SHISA6: variants seen among roughly 807,000 people sequenced by gnomAD.
SHISA6 encodes shisa family member 6.
Under a neutral mutation model 47.9 loss-of-function variants are expected in SHISA6, and 22 were observed. That is an observed-to-expected ratio of 0.46 (90% CI 0.33 to 0.66). The LOEUF (loss-of-function observed/expected upper bound fraction) is 0.66, where lower values mean the gene tolerates loss of function less well. SHISA6 is among the 30% of genes least tolerant of loss of function. The pLI is 0.02. For missense variants in SHISA6, 680 were observed against 764.6 expected, an observed-to-expected ratio of 0.89 and a Z score of 1.30; for synonymous variants, 388 against 337.8, an observed-to-expected ratio of 1.15 and a Z score of -1.63.
intron 1 of SHISA6, among the ~76,000 whole-genome samples, chr17:11,253,329 TTGTC>T (rs938477066): frequency 3.3e-5 from 5 of 152,118 alleles, no homozygotes; most frequent in African/African-American, 7.2e-5. Flanking sequence ...TTTTTTTTCT[TTGTC>T]TGATAAAAAT....
At chr17:11,331,929 G>A (rs1911131297) in intron 2 of SHISA6, among the ~76,000 whole-genome samples, 1 of 152,054 alleles carries the variant, frequency 6.6e-6, no homozygotes. Flanking sequence ...CTGTGGCTCT[G>A]TGTACCTTCC....
intron 3 of SHISA6, among the ~76,000 whole-genome samples, chr17:11,532,030 T>C: frequency 6.6e-6 from 1 of 152,064 alleles, no homozygotes; most frequent in East Asian, 1.9e-4. Flanking sequence ...AGAGGAAATA[T>C]GAAAAACTAG....
intron 2 of SHISA6, among the ~76,000 whole-genome samples, chr17:11,304,651 A>G (rs1448931171): frequency 6.6e-6 from 1 of 152,172 alleles, no homozygotes; most frequent in Non-Finnish European, 1.5e-5. Flanking sequence ...CTTTAGGGCT[A>G]TGCTTCAGTG....
chr17:11,401,809 C>G (rs962171014), intron 3 of SHISA6, among the ~76,000 whole-genome samples: 1 of 152,200 alleles, frequency 6.6e-6, no homozygotes, highest in South Asian at 2.1e-4. Flanking sequence ...TGCAACCTCC[C>G]TTGTTGACAC....
intron 3 of SHISA6, among the ~76,000 whole-genome samples, chr17:11,405,292 A>G (rs1034902): frequency 0.49 from 74,060 of 151,916 alleles, 18,593 homozygotes; most frequent in Middle Eastern, 0.55. Context: ...CCTGAGATGT[A>G]GCATTTCTAA....
At chr17:11,544,961 C>CAAA (rs374571214) in intron 3 of SHISA6, among the ~76,000 whole-genome samples, 1,967 of 62,572 alleles carry the variant, frequency 0.031, 58 homozygotes, top group African/African-American at 0.11. Flanking sequence ...ACTCTCTCTC[C>CAAA]AAAAAAAAAA....
At chr17:11,291,635 AAACAACAAC>A (rs796809748) in intron 2 of SHISA6, among the ~76,000 whole-genome samples, 5 of 151,748 alleles carry the variant, frequency 3.3e-5, no homozygotes, top group Admixed American at 6.6e-5. Context: ...CTCTGTCTCA[AAACAACAAC>A]AACAACAACA....
At chr17:11,534,433 G>A (rs937511371) in intron 3 of SHISA6, among the ~76,000 whole-genome samples, 1 of 152,066 alleles carries the variant, frequency 6.6e-6, no homozygotes, top group Non-Finnish European at 1.5e-5. Context: ...TCCACTCAAT[G>A]GATGCATGTT....
intron 2 of SHISA6, among the ~76,000 whole-genome samples, chr17:11,277,274 TCTCTCTCA>T (rs1424009948): frequency 2.0e-4 from 13 of 64,686 alleles, no homozygotes; most frequent in African/African-American, 3.6e-4. Flanking sequence ...TCTCTCTCTC[TCTCTCTCA>T]CACACACACA....
chr17:11,493,275 T>A (rs1297596134), intron 3 of SHISA6, among the ~76,000 whole-genome samples: 1 of 152,250 alleles, frequency 6.6e-6, no homozygotes, highest in East Asian at 1.9e-4. Flanking sequence ...TCACCCAGGC[T>A]GGAGTGCAGT....
chr17:11,407,030 A>C (rs1206176814), intron 3 of SHISA6, among the ~76,000 whole-genome samples: 1 of 152,230 alleles, frequency 6.6e-6, no homozygotes, highest in Admixed American at 6.5e-5. Context: ...TAGCATTAGC[A>C]TGAGGAATTT....
chr17:11,329,578 G>A (rs995484592), intron 2 of SHISA6, among the ~76,000 whole-genome samples: 11 of 152,112 alleles, frequency 7.2e-5, no homozygotes, highest in African/African-American at 2.7e-4. Context: ...ATGCATCTTG[G>A]TGGGCAGAGT....
intron 2 of SHISA6, among the ~76,000 whole-genome samples, chr17:11,276,597 TCACCAC>T (rs757899584): frequency 6.6e-6 from 1 of 151,934 alleles, no homozygotes; most frequent in Non-Finnish European, 1.5e-5. Flanking sequence ...ATCATCGTTG[TCACCAC>T]CACCACCACC....
At chr17:11,491,826 C>T (rs1974701) in intron 3 of SHISA6, among the ~76,000 whole-genome samples, 58,661 of 144,280 alleles carry the variant, frequency 0.41, 12,495 homozygotes, top group East Asian at 0.55. Flanking sequence ...GGCTGGAGTG[C>T]AATGGTGCGA....
rs1264292787 is a variant in SHISA6, at chr17:11,557,813, C to T, written c.1165C>T (p.Arg389Cys). The stretch of plus-strand genomic sequence containing the variant: ...GCGGCACCTGCCCGACCTGGCTGCC[C>T]GCGGCACCCTCCCCCTCAATGTCAT... ...RRRHLPDLAA[R>C]GTLPLNVIQM... Residue 389 changes from arginine (R) to cysteine (C), a missense_variant, in exon 6 of 6, where the codon CGC becomes TGC. Physicochemically the swap from Arg to Cys is radical, Grantham distance 180. Transcript: ENST00000441885. 1.9e-6 allele frequency: 3 copies of T among 1,551,224 alleles called. No individual in the cohort carries two copies. Among genetic ancestry groups the T allele is most frequent in the African/African-American group, 1.4e-5 (1 of 73,048 alleles).
intron 2 of SHISA6, chr17:11,289,370 T>G (rs762182061): frequency 6.6e-6 from 1 of 151,994 alleles, no homozygotes; most frequent in Non-Finnish European, 1.5e-5. Context: ...TAAACTGTCC[T>G]CTATCATGAT....
intron 3 of SHISA6, among the ~76,000 whole-genome samples, chr17:11,529,714 G>A (rs2071716330): frequency 6.6e-6 from 1 of 152,122 alleles, no homozygotes; most frequent in African/African-American, 2.4e-5. Flanking sequence ...AGATTTGTGA[G>A]TCAAAAAATT....
rs142130128 is a variant in SHISA6 at position 11,400,078 on chromosome 17, A to G, written c.895+20569A>G. On this transcript the variant is annotated intron_variant, in intron 3 of 5. Transcript: ENST00000441885. ...CAGAGTTTCCTTCCATCACTCCACAAATATGCACATTTTCCAAGCTCTTGT... is the reference window on the plus strand; with the variant it reads ...CAGAGTTTCCTTCCATCACTCCACAGATATGCACATTTTCCAAGCTCTTGT... 2.4e-3 allele frequency among the ~76,000 whole-genome samples: 362 copies of G among 152,218 alleles called. 4 individuals are homozygous for G. Among genetic ancestry groups the G allele is most frequent in the African/African-American group, 8.1e-3 (338 of 41,528 alleles).
intron 2 of SHISA6, among the ~76,000 whole-genome samples, chr17:11,359,413 G>A (rs1171137497): frequency 2.0e-5 from 3 of 152,080 alleles, no homozygotes; most frequent in African/African-American, 7.2e-5. Context: ...TACATCTCAT[G>A]GCTGCAGAGT....
Sources: gnomAD v4.1 joint callset for allele counts (sites outside exome capture counted in the v4.1 genomes callset) on GRCh38, gnomAD v4.1.1 for gene constraint, MANE v1.5 for transcripts, NCBI Gene and HGNC (gene_info 2026-07-23, HGNC 2026-07-21) for gene names.